Variants in ITGA8 observed in about 807,000 individuals in gnomAD.
ITGA8 encodes integrin alpha-8.
A neutral mutation model predicts 142.3 loss-of-function variants in ITGA8; 91 were observed. The observed-to-expected ratio is 0.64, with a 90% CI of 0.54 to 0.76. The LOEUF (loss-of-function observed/expected upper bound fraction) is 0.76, where lower values mean the gene tolerates loss of function less well. Ranked by LOEUF, ITGA8 falls within the 30% of genes least tolerant of loss-of-function variation. The pLI, the probability that ITGA8 is intolerant of heterozygous loss-of-function variation, is 0.00. For synonymous variants in ITGA8, 505 were observed against 485.2 expected (o/e 1.04, Z -0.54); for missense variants, 1,406 against 1,327.7 (o/e 1.06, Z -0.92).
chr10:15,531,027 T>C, intron 28 of ITGA8, 23 bp downstream of exon 28: 1 of 1,083,010 alleles, frequency 9.2e-7, no homozygotes, highest in Non-Finnish European at 1.4e-6. Flanking sequence ...TATTTGTGCC[T>C]ATATATATTT....
At chr10:15,546,654 A>T (rs1421242753) in intron 27 of ITGA8, among the ~76,000 whole-genome samples, 2 of 151,966 alleles carry the variant, frequency 1.3e-5, no homozygotes, top group East Asian at 1.9e-4. Flanking sequence ...TAGTGCAGAG[A>T]TTGAGAAACT....
chr10:15,535,835 A>G (rs1039956884), intron 27 of ITGA8, among the ~76,000 whole-genome samples: 29 of 152,216 alleles, frequency 1.9e-4, no homozygotes, highest in Middle Eastern at 6.8e-3. Flanking sequence ...GCTGTTTGCA[A>G]TAAATCTTGC....
chr10:15,618,839 C>T (rs1258734488), intron 13 of ITGA8, among the ~76,000 whole-genome samples: 6 of 152,154 alleles, frequency 3.9e-5, no homozygotes, highest in African/African-American at 1.4e-4. Context: ...ACCTTGTCAT[C>T]GTGTGAGTCA....
At chr10:15,630,069 G>C (rs1833657988) in intron 13 of ITGA8, among the ~76,000 whole-genome samples, 1 of 152,022 alleles carries the variant, frequency 6.6e-6, no homozygotes, top group South Asian at 2.1e-4. Context: ...ATTGACACTG[G>C]TGAAGGCAGA....
intron 2 of ITGA8, among the ~76,000 whole-genome samples, chr10:15,694,173 A>AGATAATATATCATATATAT (rs1240440979): frequency 8.5e-5 from 12 of 140,780 alleles, no homozygotes; most frequent in African/African-American, 3.0e-4. Flanking sequence ...ATCATATATC[A>AGATAATATATCATATATAT]GATAATATAT....
At chr10:15,608,422 CA>C (rs1554777145) in intron 15 of ITGA8, 132 bp from the exon 16 acceptor site, 557 of 555,086 alleles carry the variant, frequency 1.0e-3, no homozygotes, top group African/African-American at 6.9e-3. Context: ...CACACACACA[CA>C]CCCACACACA....
chr10:15,513,984 G>T lies in ITGA8; in HGVS notation c.*3174C>A, dbSNP rs1190889239. On this transcript the variant is annotated 3_prime_UTR_variant, in exon 30 of 30. Coordinates refer to ENST00000378076, the MANE Select transcript of ITGA8 (RefSeq NM_003638.3). ...CAGTTTTAATTTTATTAGTGACAAG[G>T]TAAATAGGTACATGAAAATCTTCAC... The T allele has an allele frequency of 6.6e-6, 1 of 152,100 alleles. No homozygotes were observed. Among genetic ancestry groups the T allele is most frequent in the Non-Finnish European group, 1.5e-5 (1 of 68,020 alleles). The allele number at this position is 152,100 out of a possible 1,614,324, so 9.4% of individuals were successfully genotyped here. A position where few individuals can be genotyped will look rare whatever the true frequency, so the allele number is the denominator to read the frequency against.
At chr10:15,631,930 A>T (rs1833692969) in intron 13 of ITGA8, among the ~76,000 whole-genome samples, 1 of 151,998 alleles carries the variant, frequency 6.6e-6, no homozygotes, top group Non-Finnish European at 1.5e-5. Context: ...GAAGGAAGTT[A>T]GTTCAAACTT....
chr10:15,522,138 G>A (rs1464055538), intron 28 of ITGA8, among the ~76,000 whole-genome samples: 1 of 152,178 alleles, frequency 6.6e-6, no homozygotes, highest in Non-Finnish European at 1.5e-5. Flanking sequence ...TGAGACAATA[G>A]ATATCCTAAA....
At chr10:15,529,738 G>A (rs1409975964) in intron 28 of ITGA8, among the ~76,000 whole-genome samples, 9 of 152,194 alleles carry the variant, frequency 5.9e-5, no homozygotes, top group Admixed American at 5.9e-4. Context: ...GAAAGATTCA[G>A]TGTTACAATT....
At chr10:15,711,799 T>A (rs759238329) in intron 2 of ITGA8, among the ~76,000 whole-genome samples, 2 of 152,234 alleles carry the variant, frequency 1.3e-5, no homozygotes, top group Non-Finnish European at 1.5e-5. Context: ...GGGTAAATAA[T>A]CACTTTCTTC....
intron 3 of ITGA8, 66 bp from the exon 4 acceptor site, chr10:15,684,193 G>C: frequency 6.6e-7 from 1 of 1,511,840 alleles, no homozygotes; most frequent in Non-Finnish European, 9.0e-7. Context: ...AGTTTTATTT[G>C]AATTATTGGT....
At chr10:15,641,543 A>G (rs944077614) in intron 13 of ITGA8, among the ~76,000 whole-genome samples, 22 of 152,164 alleles carry the variant, frequency 1.4e-4, no homozygotes, top group African/African-American at 5.1e-4. Flanking sequence ...GAAAAATGTT[A>G]TAGAATCATG....
chr10:15,645,902 A>G (rs562001956), intron 12 of ITGA8, among the ~76,000 whole-genome samples: 1 of 152,292 alleles, frequency 6.6e-6, no homozygotes, highest in Admixed American at 6.5e-5. Flanking sequence ...TACAAGCCTA[A>G]CCTACGAGTT....
chr10:15,604,402 C>A, intron 19 of ITGA8, 47 bp from the exon 20 acceptor site: 1 of 1,467,610 alleles, frequency 6.8e-7, no homozygotes, highest in Non-Finnish European at 9.2e-7. Context: ...TACTTCTTGG[C>A]TTCGTGAATA....
rs1834524327 is a variant in ITGA8 at position 15,671,732 on chromosome 10, C to A, written c.803-85G>T. 4.1e-6 allele frequency: 4 copies of A among 978,138 alleles called. No individual in the cohort carries two copies. In the South Asian group the frequency reaches 4.1e-5, roughly 10 times the overall value. The allele number at this position is 978,138 out of a possible 1,614,324, so 60.6% of individuals were successfully genotyped here. A position where few individuals can be genotyped will look rare whatever the true frequency, so the allele number is the denominator to read the frequency against. ...ATCTAGAAAAAGGTGAAAGGGCTAC[C>A]ATGGTACTGCTTTATTTAGAAACCT... On this transcript the variant is annotated intron_variant, in intron 7 of 29. Transcript: ENST00000378076.
chr10:15,597,106 C>A, intron 21 of ITGA8, 101 bp downstream of exon 21: 1 of 847,928 alleles, frequency 1.2e-6, no homozygotes, highest in Non-Finnish European at 2.0e-6. Context: ...GTTGTTGCTG[C>A]TAGGTGCTGA....
At chr10:15,584,882 C>T (rs186132323) in intron 23 of ITGA8, among the ~76,000 whole-genome samples, 2 of 152,016 alleles carry the variant, frequency 1.3e-5, no homozygotes, top group African/African-American at 4.8e-5. Flanking sequence ...CATGGTGAAA[C>T]CCTGTCTCTA....
At chr10:15,541,269 G>A (rs1156245388) in intron 27 of ITGA8, among the ~76,000 whole-genome samples, 2 of 152,260 alleles carry the variant, frequency 1.3e-5, no homozygotes, top group Admixed American at 6.5e-5. Flanking sequence ...GGCAACATAG[G>A]GTTGCTTGAA....
Sources: gnomAD v4.1 joint callset for allele counts (sites outside exome capture counted in the v4.1 genomes callset) on GRCh38, gnomAD v4.1.1 for gene constraint, MANE v1.5 for transcripts, NCBI Gene and HGNC (gene_info 2026-07-23, HGNC 2026-07-21) for gene names.